Variants in COL6A5 observed in about 807,000 individuals in gnomAD.
The protein encoded by COL6A5 is collagen alpha-5(VI) chain.
A neutral mutation model predicts 65.6 loss-of-function variants in COL6A5; 48 were observed. The ratio of observed to expected loss-of-function variants is 0.73; its 90% CI spans 0.58 to 0.93. The LOEUF is 0.93. COL6A5 is among the 40% of genes least tolerant of loss of function. The probability of loss-of-function intolerance (pLI) is 0.00; values close to 1 mark genes in which losing one functional copy is unlikely to be tolerated. For missense variants in COL6A5, 914 were observed against 928.3 expected, an observed-to-expected ratio of 0.98 and a Z score of 0.20; for synonymous variants, 291 against 322.8, an observed-to-expected ratio of 0.90 and a Z score of 1.05.
At chr3:130,421,518 T>C (rs542404878) in intron 27 of COL6A5, among the ~76,000 whole-genome samples, 158 bp downstream of exon 27, 1 of 152,204 alleles carries the variant, frequency 6.6e-6, no homozygotes, top group South Asian at 2.1e-4. Flanking sequence ...ATTTAACCCC[T>C]GTGAATCTTT....
chr3:130,421,239 G>A (rs143267753), intron 26 of COL6A5, 36 bp downstream of exon 26: 1 of 1,546,626 alleles, frequency 6.5e-7, no homozygotes, highest in Non-Finnish European at 8.8e-7. Flanking sequence ...ATTCATTGAT[G>A]AATCAAACTA....
intron 4 of COL6A5, among the ~76,000 whole-genome samples, chr3:130,448,536 C>A (rs1456133961): frequency 6.6e-6 from 1 of 152,152 alleles, no homozygotes; most frequent in Non-Finnish European, 1.5e-5. Flanking sequence ...GACCACCATT[C>A]CTAAATATTG....
chr3:130,471,929 A>G lies in COL6A5; in HGVS notation c.2328+962A>G. The G allele has an allele frequency of 6.5e-7, 1 of 1,534,254 alleles. No homozygotes were observed. The highest frequency in any genetic ancestry group is 2.4e-5 in the East Asian group (1 of 40,832). ...TGATAAACAGCAAGAAAAAGAAGGT[A>G]ATCGTGAGTACCATAGAGCTGAAGA... is the stretch of plus-strand genomic sequence containing the variant. On this transcript the variant is annotated intron_variant, in intron 7 of 7. Coordinates refer to ENST00000512836, the Ensembl canonical transcript of COL6A5.
intron 1 of COL6A5, among the ~76,000 whole-genome samples, chr3:130,432,303 C>A (rs1937851469): frequency 6.6e-6 from 1 of 152,028 alleles, no homozygotes; most frequent in Non-Finnish European, 1.5e-5. Context: ...GCCTGTAATC[C>A]CAGAACTTCG....
At chr3:130,378,490 A>G (rs2107640081) in intron 3 of COL6A5, among the ~76,000 whole-genome samples, 1 of 152,196 alleles carries the variant, frequency 6.6e-6, no homozygotes, top group East Asian at 1.9e-4. Context: ...GACTAGGGCC[A>G]TTGTTTCTTA....
chr3:130,393,521 C>T (rs1451107364), intron 7 of COL6A5, among the ~76,000 whole-genome samples: 3 of 152,124 alleles, frequency 2.0e-5, no homozygotes, highest in Non-Finnish European at 2.9e-5. Flanking sequence ...CCAAAACTGG[C>T]GCATTACTAA....
chr3:130,353,033 A>G (rs1934780811), intron 1 of COL6A5, among the ~76,000 whole-genome samples: 1 of 152,216 alleles, frequency 6.6e-6, no homozygotes, highest in Non-Finnish European at 1.5e-5. Context: ...TTGCTGTTCC[A>G]GATAGACTGT....
At chr3:130,466,797 A>G (rs1299632141) in intron 5 of COL6A5, among the ~76,000 whole-genome samples, 8 of 152,024 alleles carry the variant, frequency 5.3e-5, no homozygotes, top group Non-Finnish European at 1.2e-4. Context: ...CAAGGATATT[A>G]AAAGGATAAC....
At chr3:130,363,165 A>G (rs1245942720) in intron 1 of COL6A5, among the ~76,000 whole-genome samples, 1 of 152,138 alleles carries the variant, frequency 6.6e-6, no homozygotes, top group Non-Finnish European at 1.5e-5. Flanking sequence ...TACTTAGCAT[A>G]TCAGTTATAC....
intron 29 of COL6A5, among the ~76,000 whole-genome samples, chr3:130,425,640 A>G (rs1279622543): frequency 6.6e-6 from 1 of 152,120 alleles, no homozygotes; most frequent in Non-Finnish European, 1.5e-5. Flanking sequence ...TTGCTCCATA[A>G]TCTCTTGGCA....
chr3:130,421,180 C>G, exon 26 of COL6A5: 1 of 1,550,632 alleles, frequency 6.4e-7, no homozygotes, highest in Non-Finnish European at 8.7e-7. Context: ...AGGCTACGGT[C>G]AGATGGGACG....
At chr3:130,443,629 T>A in intron 4 of COL6A5, 63 bp downstream of exon 36, 1 of 989,462 alleles carries the variant, frequency 1.0e-6, no homozygotes, top group Non-Finnish European at 1.6e-6. Context: ...GTATAACTGG[T>A]TAATAACACT....
exon 6 of COL6A5, chr3:130,389,112 C>T (rs1011575295): frequency 1.4e-6 from 2 of 1,440,864 alleles, no homozygotes; most frequent in African/African-American, 2.9e-5. Flanking sequence ...GGAAACTTAT[C>T]TTTCGTGTGT....
chr3:130,467,958 A>G (rs2107613030), intron 5 of COL6A5, among the ~76,000 whole-genome samples: 1 of 152,102 alleles, frequency 6.6e-6, no homozygotes, highest in East Asian at 1.9e-4. Flanking sequence ...CGCCTCACCA[A>G]TCAGCCATCA....
rs537959868 is a variant in COL6A5, at chr3:130,477,139, C to A, written c.2328+6172C>A. 284 of 1,300,982 alleles carry A rather than the reference C, an allele frequency of 2.2e-4. 1 individual carries two copies. In the African/African-American group the frequency reaches 3.8e-3, roughly 17 times the overall value. 80.6% of individuals were successfully genotyped at this position (1,300,982 alleles called of 1,614,324 possible). A position where few individuals can be genotyped will look rare whatever the true frequency, so the allele number is the denominator to read the frequency against. ...TGATTCATACTCTATGTTTATAGAA[C>A]GTAAGTTTACCTTAAAGTTAGGCCA... is the stretch of plus-strand genomic sequence containing the variant. On this transcript the variant is annotated intron_variant, in intron 7 of 7. Coordinates refer to ENST00000512836, the Ensembl canonical transcript of COL6A5.
chr3:130,415,809 T>C (rs1018612386), intron 23 of COL6A5, 102 bp downstream of exon 23: 11 of 983,540 alleles, frequency 1.1e-5, no homozygotes, highest in African/African-American at 3.3e-5. Context: ...TTTACATATA[T>C]ATTATTTCAT....
intron 1 of COL6A5, among the ~76,000 whole-genome samples, chr3:130,438,242 G>A (rs1208541997): frequency 6.6e-6 from 1 of 152,164 alleles, no homozygotes; most frequent in Non-Finnish European, 1.5e-5. Flanking sequence ...TGATCCACCT[G>A]CCTTGGCCTC....
At chr3:130,356,308 A>T (rs1378202641) in intron 1 of COL6A5, among the ~76,000 whole-genome samples, 8 of 152,170 alleles carry the variant, frequency 5.3e-5, no homozygotes, top group Admixed American at 4.6e-4. Flanking sequence ...AGAATTGATG[A>T]AAATATAGTT....
chr3:130,407,442 C>T (rs188845142), intron 17 of COL6A5, among the ~76,000 whole-genome samples: 8 of 152,244 alleles, frequency 5.3e-5, no homozygotes, highest in South Asian at 2.1e-4. Context: ...GTAATGTGGA[C>T]GATACTTTGC....
Sources: allele counts gnomAD v4.1 joint callset (sites outside exome capture counted in the v4.1 genomes callset), GRCh38; gene constraint gnomAD v4.1.1; transcripts MANE v1.5; gene names NCBI Gene and HGNC (gene_info 2026-07-23, HGNC 2026-07-21).